GCA: variants seen among roughly 807,000 people sequenced by gnomAD.
GCA encodes grancalcin, EF-hand calcium-binding protein.
Under a neutral mutation model 32.6 loss-of-function variants are expected in GCA, and 30 were observed. That is an observed-to-expected ratio of 0.92 (90% confidence interval 0.69 to 1.25). The LOEUF (loss-of-function observed/expected upper bound fraction) is 1.25, where lower values mean the gene tolerates loss of function less well. Among genes scored for constraint, GCA ranks in the 50% most tolerant of loss-of-function variants. The probability of loss-of-function intolerance (pLI) is 0.00; values close to 1 mark genes in which losing one functional copy is unlikely to be tolerated. For synonymous variants in GCA, 102 were observed against 84.6 expected (o/e 1.21, Z -1.13); for missense variants, 291 against 266.8 (o/e 1.09, Z -0.63).
downstream of GCA, chr2:162,373,588 G>T: frequency 6.3e-7 from 1 of 1,580,386 alleles, no homozygotes; most frequent in Non-Finnish European, 8.6e-7. Flanking sequence ...ACTGTAGGCT[G>T]GGGGGACCAC....
At chr2:162,366,339 C>A (rs571941817), downstream of GCA, among the ~76,000 whole-genome samples, 1 of 151,678 alleles carries the variant, frequency 6.6e-6, no homozygotes, top group Non-Finnish European at 1.5e-5. Context: ...GATATGGTTC[C>A]GTGTTCTTAA....
At chr2:162,366,772 G>A (rs1407991504), downstream of GCA, among the ~76,000 whole-genome samples, 1 of 151,936 alleles carries the variant, frequency 6.6e-6, no homozygotes, top group Non-Finnish European at 1.5e-5. Flanking sequence ...ATAAGTTTAT[G>A]AATGGTGGAC....
In GCA at chr2:162,345,646, A is replaced by G. The variant is rs187252035; in HGVS notation, c.27+1371A>G. 7.2e-5 allele frequency among the ~76,000 whole-genome samples: 11 copies of G among 152,372 alleles called. No individual in the cohort carries two copies. The East Asian group carries it at 1.7e-3, about 24-fold the overall frequency. ...ATCCCCTTTTCCATGAATTTAAAAT[A>G]AACAACTCTTTTCAGCTGTTGTCAT... On this transcript the variant is annotated intron_variant, in intron 1 of 7. Coordinates refer to ENST00000437150, the MANE Select transcript of GCA (RefSeq NM_012198.5).
downstream of GCA, among the ~76,000 whole-genome samples, chr2:162,365,775 A>G (rs1013511636): frequency 1.3e-5 from 2 of 151,686 alleles, no homozygotes; most frequent in African/African-American, 4.8e-5. Context: ...GCTAGGAGAT[A>G]AAAACTAGAG....
At chr2:162,324,320 A>G (rs183607408) in intron 1 of GCA, among the ~76,000 whole-genome samples, 1 of 152,176 alleles carries the variant, frequency 6.6e-6, no homozygotes, top group East Asian at 1.9e-4. Flanking sequence ...CTTTATATTG[A>G]GTGGAGGTAG....
chr2:162,339,391 C>G (rs1684370471), upstream of GCA, among the ~76,000 whole-genome samples: 1 of 151,864 alleles, frequency 6.6e-6, no homozygotes, highest in Non-Finnish European at 1.5e-5. Flanking sequence ...ATTGGAAATC[C>G]AATTAAGGAA....
rs1162317604 is a variant in GCA, at chr2:162,359,136, G to T, written c.547G>T (p.Val183Leu). The T allele has an allele frequency of 2.5e-6, 4 of 1,600,970 alleles. No individual in the cohort carries two copies. The East Asian group carries it at 9.0e-5, about 36-fold the overall frequency. ...CTTTGATGATTATGTTGCTTGCTGT[G>T]TGAAGCTTCGAGCATTGACAGGTAT... ...IFFDDYVACC[V>L]KLRALTDFFR... Residue 183 changes from valine (V) to leucine (L), a missense_variant, in exon 6 of 8, where the codon GTG (valine) becomes TTG (leucine). Physicochemically the swap from Val to Leu is conservative, Grantham distance 32. Coordinates refer to ENST00000437150, the MANE Select transcript of GCA (RefSeq NM_012198.5).
At chr2:162,346,920 T>C (rs778677724) in intron 1 of GCA, among the ~76,000 whole-genome samples, 1 of 152,156 alleles carries the variant, frequency 6.6e-6, no homozygotes, top group Non-Finnish European at 1.5e-5. Context: ...ATATATAAAC[T>C]GTAATAAGTC....
downstream of GCA, among the ~76,000 whole-genome samples, chr2:162,373,134 G>C (rs937650600): frequency 6.6e-6 from 1 of 152,092 alleles, no homozygotes; most frequent in Non-Finnish European, 1.5e-5. Context: ...GCCCTTTTAA[G>C]AGCCAGGAAG....
intron 1 of GCA, among the ~76,000 whole-genome samples, chr2:162,332,335 AT>A (rs1457174903): frequency 1.1e-4 from 16 of 145,594 alleles, no homozygotes; most frequent in African/African-American, 3.7e-4. Context: ...ATATATATAT[AT>A]ATAATATATA....
chr2:162,355,344 A>G (rs1298493845), intron 3 of GCA, among the ~76,000 whole-genome samples: 1 of 152,194 alleles, frequency 6.6e-6, no homozygotes, highest in African/African-American at 2.4e-5. Context: ...AAACATTTAA[A>G]GAAAATCAGC....
At chr2:162,333,313 T>C (rs979135454) in intron 1 of GCA, among the ~76,000 whole-genome samples, 1 of 152,142 alleles carries the variant, frequency 6.6e-6, no homozygotes, top group African/African-American at 2.4e-5. Context: ...TCACAAATTA[T>C]ACCATATTTT....
At chr2:162,337,663 C>T (rs955008883) in intron 1 of GCA, among the ~76,000 whole-genome samples, 3 of 152,158 alleles carry the variant, frequency 2.0e-5, no homozygotes, top group African/African-American at 7.2e-5. Flanking sequence ...GATCATGGGT[C>T]GTCATCTACA....
At chr2:162,323,317 C>T (rs1277116363) in intron 1 of GCA, among the ~76,000 whole-genome samples, 5 of 151,742 alleles carry the variant, frequency 3.3e-5, no homozygotes, top group South Asian at 2.1e-4. Flanking sequence ...AGCCCTTTGT[C>T]GGATGAGTAG....
At chr2:162,321,285 G>GT (rs1162745091) in intron 1 of GCA, among the ~76,000 whole-genome samples, 2 of 152,248 alleles carry the variant, frequency 1.3e-5, no homozygotes, top group African/African-American at 4.8e-5. Context: ...GTTCCCAAAT[G>GT]TAAGTTTCTT....
chr2:162,344,164 C>G lies in GCA; in HGVS notation c.-85C>G, dbSNP rs1266704814. 47 of 1,446,808 alleles carry G rather than the reference C, an allele frequency of 3.2e-5. No individual in the cohort carries two copies. Among genetic ancestry groups the G allele is most frequent in the Non-Finnish European group, 4.6e-5 (47 of 1,030,436 alleles). The allele number at this position is 1,446,808 out of a possible 1,614,324, so 89.6% of individuals were successfully genotyped here. A position where few individuals can be genotyped will look rare whatever the true frequency, so the allele number is the denominator to read the frequency against. ...CTTTCAGCCTCACCTGCAGCTGCGC[C>G]TCCTTGCACCTGCGCCTGTGCTTTT... On this transcript the variant is annotated 5_prime_UTR_variant, in exon 1 of 8. Coordinates refer to ENST00000437150, the MANE Select transcript of GCA (RefSeq NM_012198.5).
chr2:162,349,121 G>A (rs1684860013), intron 2 of GCA, among the ~76,000 whole-genome samples: 2 of 151,956 alleles, frequency 1.3e-5, no homozygotes, highest in Admixed American at 1.3e-4. Flanking sequence ...TGGTCCTAAT[G>A]TAAAAACAAA....
At chr2:162,346,753 T>C (rs573051875) in intron 1 of GCA, 1 of 152,372 alleles carries the variant, frequency 6.6e-6, no homozygotes, top group South Asian at 2.1e-4. Flanking sequence ...TCATTATTAT[T>C]ATTACTACAT....
At chr2:162,344,303 C>G (rs751455584) in intron 1 of GCA, 28 bp downstream of exon 1, 9 of 1,611,504 alleles carry the variant, frequency 5.6e-6, no homozygotes, top group Middle Eastern at 3.3e-4. Flanking sequence ...GGTCGTGTCC[C>G]TCTTCCTCGC....
Sources: allele counts gnomAD v4.1 joint callset (sites outside exome capture counted in the v4.1 genomes callset), GRCh38; gene constraint gnomAD v4.1.1; transcripts MANE v1.5; gene names NCBI Gene and HGNC (gene_info 2026-07-23, HGNC 2026-07-21).